Variants in SPATA7 observed in about 807,000 individuals in gnomAD.
SPATA7 encodes the protein spermatogenesis-associated protein 7.
SPATA7 carries 43 observed loss-of-function variants against 51.8 expected under a neutral mutation model. The observed-to-expected ratio is 0.83, with a 90% CI of 0.65 to 1.07. The LOEUF (loss-of-function observed/expected upper bound fraction) is 1.07. SPATA7 is among the 50% of genes least tolerant of loss of function. The probability of loss-of-function intolerance (pLI) is 0.00; values close to 1 mark genes in which losing one functional copy is unlikely to be tolerated. For missense variants in SPATA7, 683 were observed against 701.3 expected (o/e 0.97, Z 0.30); for synonymous variants, 230 against 252.8 (o/e 0.91, Z 0.86).
chr14:88,440,381 T>C (rs944821835), downstream of SPATA7, among the ~76,000 whole-genome samples: 1 of 152,212 alleles, frequency 6.6e-6, no homozygotes, highest in African/African-American at 2.4e-5. Flanking sequence ...TTTGTTGTTA[T>C]CCTTTAGTTT....
chr14:88,459,537 C>T (rs1051730202), downstream of SPATA7, among the ~76,000 whole-genome samples: 3 of 152,176 alleles, frequency 2.0e-5, no homozygotes, highest in African/African-American at 7.2e-5. Flanking sequence ...ACTAGGATTG[C>T]AACCCCTGCC....
downstream of SPATA7, among the ~76,000 whole-genome samples, chr14:88,459,201 G>A (rs1198615123): frequency 4.6e-5 from 7 of 152,208 alleles, no homozygotes; most frequent in Non-Finnish European, 8.8e-5. Context: ...ATATTCTGTT[G>A]ATTTGTGGTG....
At position 88,431,176 on chromosome 14, in the gene SPATA7, A is replaced by G. The variant is rs375371982; in HGVS notation, c.1033A>G (p.Met345Val). ...DALQHSSPRAMCQYSLKPPST... is the reference protein window; with the variant it reads ...DALQHSSPRAVCQYSLKPPST... ...ACTTTAACTTCCTCTTTCTAGGGCAATGTGTCAGTATTCCCTGAAGCCCCC... is the reference window on the plus strand; with the variant it reads ...ACTTTAACTTCCTCTTTCTAGGGCAGTGTGTCAGTATTCCCTGAAGCCCCC... The change falls in exon 9 of 12, where the codon ATG becomes GTG. Residue 345 changes from methionine (M) to valine (V), a missense_variant. Coordinates refer to ENST00000393545, the MANE Select transcript of SPATA7 (RefSeq NM_018418.5). The G allele has an allele frequency of 1.8e-4, 295 of 1,613,638 alleles. 1 individual carries two copies. In the East Asian group the frequency reaches 3.9e-3, roughly 22 times the overall value.
chr14:88,419,241 A>G (rs377523736), intron 5 of SPATA7, among the ~76,000 whole-genome samples: 2 of 152,216 alleles, frequency 1.3e-5, no homozygotes, highest in East Asian at 1.9e-4. Flanking sequence ...TAGAGATATT[A>G]GAGATACAGA....
downstream of SPATA7, among the ~76,000 whole-genome samples, chr14:88,439,159 G>T (rs943746362): frequency 6.6e-6 from 1 of 152,208 alleles, no homozygotes; most frequent in African/African-American, 2.4e-5. Context: ...AATGGTTTAT[G>T]ATCTGGTGTG....
chr14:88,454,951 T>C (rs2077274712), intron 3 of SPATA7: 2 of 394,850 alleles, frequency 5.1e-6, no homozygotes, highest in Non-Finnish European at 1.0e-5. Flanking sequence ...CTTTAATGTG[T>C]ATCAAAATCA....
chr14:88,415,439 A>C (rs1366992942), intron 4 of SPATA7, among the ~76,000 whole-genome samples: 1 of 151,722 alleles, frequency 6.6e-6, no homozygotes, highest in African/African-American at 2.4e-5. Context: ...TATAGGTGTC[A>C]TTACATGTGT....
chr14:88,466,414 T>C (rs959306535), intron 4 of SPATA7: 1 of 152,182 alleles, frequency 6.6e-6, no homozygotes, highest in African/African-American at 2.4e-5. Context: ...ACACACTATT[T>C]AGGAAGTCCT....
At chr14:88,389,208 A>G (rs1427072721) in intron 1 of SPATA7, among the ~76,000 whole-genome samples, 3 of 151,332 alleles carry the variant, frequency 2.0e-5, no homozygotes, top group Non-Finnish European at 2.9e-5. Flanking sequence ...CAATTCTGTT[A>G]GGTTTTTTTT....
chr14:88,438,583 CA>C (rs2077155485), downstream of SPATA7: 2 of 698,958 alleles, frequency 2.9e-6, no homozygotes, highest in South Asian at 3.4e-5. Flanking sequence ...ATTTATCCCA[CA>C]GTTTTGTGGA....
chr14:88,386,840 T>C (rs533477798), intron 1 of SPATA7, among the ~76,000 whole-genome samples: 2 of 152,288 alleles, frequency 1.3e-5, no homozygotes, highest in Admixed American at 6.5e-5. Flanking sequence ...TATTATATAG[T>C]CATTGATCAA....
chr14:88,469,618 T>C lies in SPATA7; in HGVS notation c.255-229T>C, dbSNP rs1320016427. 2 of 1,614,142 alleles carry C rather than the reference T, an allele frequency of 1.2e-6. No individual in the cohort carries two copies. The highest frequency in any genetic ancestry group is 1.1e-5 in the South Asian group (1 of 91,074). ...CTTCATCTTCAGGCCTGTGGTGGCA[T>C]AGCAGCCAGAGTCTGTGCGGAACCG... On this transcript the variant is annotated intron_variant, in intron 4 of 4. Transcript: ENST00000556406. This position sits in a 1 kb window ranked among gnomAD's most constrained non-coding sequence, Gnocchi z 4.3.
At chr14:88,468,367 A>ACAGT in intron 4 of SPATA7, 3 of 1,166,712 alleles carry the variant, frequency 2.6e-6, no homozygotes, top group Non-Finnish European at 3.6e-6. Flanking sequence ...TGGGAGATGG[A>ACAGT]CAGTCTCTTT....
At chr14:88,407,406 G>C (rs145946272) in intron 4 of SPATA7, among the ~76,000 whole-genome samples, 1 of 152,138 alleles carries the variant, frequency 6.6e-6, no homozygotes, top group Non-Finnish European at 1.5e-5. Context: ...GGCCACATCA[G>C]TGTCTTCTTT....
chr14:88,463,384 G>A (rs535533080), intron 4 of SPATA7, among the ~76,000 whole-genome samples: 1 of 151,730 alleles, frequency 6.6e-6, no homozygotes, highest in East Asian at 1.9e-4. Flanking sequence ...GCTGGCATAC[G>A]TTCTGAAAAG....
chr14:88,426,726 C>T (rs776965693), intron 6 of SPATA7, 22 bp downstream of exon 6: 58 of 1,572,130 alleles, frequency 3.7e-5, no homozygotes, highest in Non-Finnish European at 4.7e-5. Context: ...CAGCAACCAA[C>T]AGTAAATCCT....
At chr14:88,458,021 G>T (rs1288523779), downstream of SPATA7, among the ~76,000 whole-genome samples, 1 of 152,008 alleles carries the variant, frequency 6.6e-6, no homozygotes, top group East Asian at 1.9e-4. Flanking sequence ...TTATATGCTG[G>T]ATTACATTTA....
At chr14:88,446,613 G>A (rs1475700838) in intron 3 of SPATA7, among the ~76,000 whole-genome samples, 2 of 151,998 alleles carry the variant, frequency 1.3e-5, no homozygotes, top group African/African-American at 2.4e-5. Flanking sequence ...TTTCTCTTGT[G>A]GGCATTTAGT....
At chr14:88,418,289 G>T (rs1166244073) in intron 5 of SPATA7, among the ~76,000 whole-genome samples, 1 of 151,494 alleles carries the variant, frequency 6.6e-6, no homozygotes, top group Non-Finnish European at 1.5e-5. Context: ...GGTTTATTTT[G>T]CTGTACTATC....
Sources: gnomAD v4.1 joint callset for allele counts (sites outside exome capture counted in the v4.1 genomes callset) on GRCh38, gnomAD v4.1.1 for gene constraint, Gnocchi (gnomAD v3.1) non-coding constraint, MANE v1.5 for transcripts, NCBI Gene and HGNC (gene_info 2026-07-23, HGNC 2026-07-21) for gene names.